GRXCR2: variants seen among roughly 807,000 people sequenced by gnomAD.
The protein encoded by GRXCR2 is glutaredoxin and cysteine rich domain containing 2.
In GRXCR2, 23 loss-of-function variants were observed where a neutral mutation model predicts 24.8. The observed-to-expected ratio is 0.93, with a 90% CI of 0.67 to 1.32. The LOEUF (loss-of-function observed/expected upper bound fraction) is 1.32. Ranked by LOEUF, GRXCR2 falls within the 40% of genes most tolerant of loss-of-function variation. The pLI, the probability that GRXCR2 is intolerant of heterozygous loss-of-function variation, is 0.00. For missense variants in GRXCR2, 315 were observed against 303.4 expected, an observed-to-expected ratio of 1.04 and a Z score of -0.28; for synonymous variants, 130 against 116.1, an observed-to-expected ratio of 1.12 and a Z score of -0.77.
chr5:145,859,474 C>T lies in GRXCR2; in HGVS notation c.*259G>A, dbSNP rs1201842858. ...TGAGCTAAGTCAAGTGAGATACACT[C>T]ACACCATCCTGGAAGGATAATTTTA... On this transcript the variant is annotated 3_prime_UTR_variant, in exon 3 of 3. Coordinates refer to ENST00000377976, the MANE Select transcript of GRXCR2 (RefSeq NM_001080516.2). 3 of 517,960 alleles carry T rather than the reference C, an allele frequency of 5.8e-6. No individual in the cohort carries two copies. The highest frequency in any genetic ancestry group is 1.0e-5 in the Non-Finnish European group (3 of 290,776). 32.1% of individuals were successfully genotyped at this position (517,960 alleles called of 1,614,324 possible).
intron 2 of GRXCR2, among the ~76,000 whole-genome samples, chr5:145,920,025 A>T (rs1561691695): frequency 6.6e-6 from 1 of 152,180 alleles, no homozygotes; most frequent in Non-Finnish European, 1.5e-5. Flanking sequence ...TGCGGCAGCG[A>T]TGACTTGTGG....
At chr5:145,904,563 T>C (rs573220759) in intron 2 of GRXCR2, among the ~76,000 whole-genome samples, 1 of 152,178 alleles carries the variant, frequency 6.6e-6, no homozygotes, top group Non-Finnish European at 1.5e-5. Flanking sequence ...CAAATCCTCA[T>C]ACCCCTTCCT....
At chr5:145,920,842 T>A (rs73308200) in intron 2 of GRXCR2, among the ~76,000 whole-genome samples, 2,662 of 152,354 alleles carry the variant, frequency 0.017, 84 homozygotes, top group African/African-American at 0.061. Flanking sequence ...CATTAGGCCA[T>A]GAGGGCAGAG....
At chr5:145,927,671 G>A (rs966605583) in intron 2 of GRXCR2, among the ~76,000 whole-genome samples, 61 of 152,254 alleles carry the variant, frequency 4.0e-4, no homozygotes, top group African/African-American at 1.3e-3. Context: ...GTTCATCAGG[G>A]ATATTGGTCT....
chr5:145,882,455 TCAAA>T (rs1756717066), intron 2 of GRXCR2, among the ~76,000 whole-genome samples: 2 of 152,070 alleles, frequency 1.3e-5, no homozygotes, highest in Non-Finnish European at 1.5e-5. Flanking sequence ...GAAATGCAAA[TCAAA>T]ACCACAATGA....
intron 2 of GRXCR2, among the ~76,000 whole-genome samples, chr5:145,892,721 C>T (rs1189411495): frequency 6.6e-6 from 1 of 152,160 alleles, no homozygotes; most frequent in African/African-American, 2.4e-5. Flanking sequence ...GGATATTATC[C>T]AGGAAAACTT....
chr5:145,861,052 C>G (rs892505477), intron 2 of GRXCR2, among the ~76,000 whole-genome samples: 1 of 151,788 alleles, frequency 6.6e-6, no homozygotes, highest in African/African-American at 2.4e-5. Context: ...GATACTAGAT[C>G]GAAACCTGCT....
chr5:145,865,083 T>C (rs2569008), intron 2 of GRXCR2, among the ~76,000 whole-genome samples: 30,000 of 151,996 alleles, frequency 0.2, 5,228 homozygotes, highest in African/African-American at 0.47. Flanking sequence ...TCTAAGGCCA[T>C]TACTCAAAGC....
At chr5:145,909,219 G>A (rs1225239167) in intron 2 of GRXCR2, among the ~76,000 whole-genome samples, 3 of 152,286 alleles carry the variant, frequency 2.0e-5, no homozygotes, top group South Asian at 4.1e-4. Context: ...TATGAGGCGC[G>A]CAGTCATTAC....
upstream of GRXCR2, among the ~76,000 whole-genome samples, chr5:145,875,223 T>C: frequency 6.6e-6 from 1 of 152,188 alleles, no homozygotes; most frequent in East Asian, 1.9e-4. Flanking sequence ...CACAAAGCTT[T>C]TCAAAAAGGA....
chr5:145,906,362 G>C (rs1039202367), intron 2 of GRXCR2, among the ~76,000 whole-genome samples: 1 of 152,098 alleles, frequency 6.6e-6, no homozygotes, highest in African/African-American at 2.4e-5. Context: ...AAAAAAAAGG[G>C]GGGTGCTTAT....
At chr5:145,860,285 T>C (rs1756313229) in intron 2 of GRXCR2, among the ~76,000 whole-genome samples, 1 of 152,186 alleles carries the variant, frequency 6.6e-6, no homozygotes, top group African/African-American at 2.4e-5. Flanking sequence ...GCCTGATAGG[T>C]GCCAGGTGCT....
chr5:145,874,418 G>A (rs1269281648), upstream of GRXCR2, among the ~76,000 whole-genome samples: 1 of 151,864 alleles, frequency 6.6e-6, no homozygotes, highest in East Asian at 1.9e-4. Context: ...TGGCCAGGAT[G>A]GTCTCAATCT....
intron 2 of GRXCR2, among the ~76,000 whole-genome samples, chr5:145,925,002 G>A (rs971257843): frequency 6.6e-6 from 1 of 152,156 alleles, no homozygotes; most frequent in African/African-American, 2.4e-5. Flanking sequence ...TAGATAAGAG[G>A]CCTGATAAGG....
At chr5:145,903,734 G>T (rs1047221443) in intron 2 of GRXCR2, among the ~76,000 whole-genome samples, 1 of 152,196 alleles carries the variant, frequency 6.6e-6, no homozygotes, top group Admixed American at 6.5e-5. Context: ...GATGGATACA[G>T]TGAAGACAAA....
At chr5:145,913,434 G>A (rs980156539) in intron 2 of GRXCR2, among the ~76,000 whole-genome samples, 5 of 152,054 alleles carry the variant, frequency 3.3e-5, no homozygotes, top group Admixed American at 2.6e-4. Context: ...TCAAAAAAAC[G>A]GGGTGGGAAG....
upstream of GRXCR2, among the ~76,000 whole-genome samples, chr5:145,874,950 G>A (rs76774026): frequency 0.014 from 2,173 of 152,238 alleles, 55 homozygotes; most frequent in African/African-American, 0.05. Context: ...CCTCCTTCAA[G>A]TCACACCTCA....
chr5:145,866,376 C>A, intron 2 of GRXCR2, 125 bp downstream of exon 2: 1 of 632,602 alleles, frequency 1.6e-6, no homozygotes, highest in Admixed American at 3.0e-5. Flanking sequence ...CTCATATCTT[C>A]AAGTTTAGGT....
intron 2 of GRXCR2, among the ~76,000 whole-genome samples, chr5:145,920,744 G>A (rs992271294): frequency 1.7e-4 from 26 of 152,218 alleles, no homozygotes; most frequent in Admixed American, 2.6e-4. Flanking sequence ...ATGTGCTATG[G>A]TCTGAATGTT....
Sources: gnomAD v4.1 joint callset for allele counts (sites outside exome capture counted in the v4.1 genomes callset) on GRCh38, gnomAD v4.1.1 for gene constraint, MANE v1.5 for transcripts, NCBI Gene and HGNC (gene_info 2026-07-23, HGNC 2026-07-21) for gene names.